PRMT8: variants seen among roughly 807,000 people sequenced by gnomAD.
PRMT8 encodes the protein protein arginine methyltransferase 8.
In PRMT8, 7 loss-of-function variants were observed where a neutral mutation model predicts 47.1. The observed-to-expected ratio is 0.15, with a 90% confidence interval of 0.08 to 0.28. The LOEUF (loss-of-function observed/expected upper bound fraction) is 0.28. PRMT8 is among the 10% of genes least tolerant of loss of function. PRMT8 has a pLI of 1.00. For synonymous variants in PRMT8, 188 were observed against 186.5 expected (o/e 1.01, Z -0.07); for missense variants, 237 against 505.4 (o/e 0.47, Z 5.09).
chr12:3,498,915 T>C (rs989423710), intron 1 of PRMT8, among the ~76,000 whole-genome samples: 18 of 152,170 alleles, frequency 1.2e-4, no homozygotes, highest in Admixed American at 6.5e-4. Context: ...TTGGTTCCTC[T>C]TGAAGTCTTC....
chr12:3,388,772 T>A (rs1864164678), intron 1 of PRMT8, among the ~76,000 whole-genome samples: 1 of 152,234 alleles, frequency 6.6e-6, no homozygotes, highest in African/African-American at 2.4e-5. Flanking sequence ...GTAGACTTTC[T>A]TATCTCGCTT....
chr12:3,382,420 A>G (rs895357440), intron 1 of PRMT8, among the ~76,000 whole-genome samples: 1 of 152,168 alleles, frequency 6.6e-6, no homozygotes, highest in Non-Finnish European at 1.5e-5. Flanking sequence ...TATTTTAGCC[A>G]TTCTGTTAAG....
In PRMT8 at chr12:3,569,190, T is replaced by C. The variant is rs1565445039; in HGVS notation, c.625-287T>C. 6.6e-6 allele frequency among the ~76,000 whole-genome samples: 1 copy of C among 152,226 alleles called. No individual in the cohort carries two copies. The highest frequency in any genetic ancestry group is 2.4e-5 in the African/African-American group (1 of 41,456). The stretch of plus-strand genomic sequence containing the variant: ...AGCCAGGTGTGCTATTCATCTGGGC[T>C]TCTCCAGGCCAAAGTCGTAACATCT... On this transcript the variant is annotated intron_variant, in intron 5 of 9. Coordinates refer to ENST00000382622, the MANE Select transcript of PRMT8 (RefSeq NM_019854.5). This position sits in a 1 kb window ranked among gnomAD's most constrained non-coding sequence, Gnocchi z 8.2.
chr12:3,512,498 G>A (rs1287396815), intron 1 of PRMT8, among the ~76,000 whole-genome samples: 1 of 152,026 alleles, frequency 6.6e-6, no homozygotes, highest in Non-Finnish European at 1.5e-5. Flanking sequence ...CTGTCTCATG[G>A]AGGGCACTGC....
At chr12:3,556,758 A>T (rs995879788) in intron 4 of PRMT8, among the ~76,000 whole-genome samples, 31 of 152,220 alleles carry the variant, frequency 2.0e-4, no homozygotes, top group Admixed American at 8.5e-4. Flanking sequence ...TGCAGGAAAA[A>T]GTAAATTCAG....
chr12:3,485,487 T>G (rs920580150), intron 1 of PRMT8, among the ~76,000 whole-genome samples: 1 of 152,234 alleles, frequency 6.6e-6, no homozygotes, highest in African/African-American at 2.4e-5. Flanking sequence ...AAAGCTTCTG[T>G]TCATAAGGGT....
intron 1 of PRMT8, among the ~76,000 whole-genome samples, chr12:3,382,835 T>C (rs1283705774): frequency 6.6e-6 from 1 of 152,228 alleles, no homozygotes; most frequent in African/African-American, 2.4e-5. Context: ...TTTCTAAAAG[T>C]GTTATAGTTG....
At chr12:3,495,302 A>G (rs1424155190) in intron 1 of PRMT8, among the ~76,000 whole-genome samples, 1 of 152,238 alleles carries the variant, frequency 6.6e-6, no homozygotes, top group African/African-American at 2.4e-5. Flanking sequence ...CCTATTGCCT[A>G]CAGGACGCTA....
At chr12:3,479,649 C>T (rs1865253089) in intron 1 of PRMT8, among the ~76,000 whole-genome samples, 1 of 152,138 alleles carries the variant, frequency 6.6e-6, no homozygotes, top group Non-Finnish European at 1.5e-5. Flanking sequence ...TTGCTGTGGA[C>T]CAAGAAGGGT....
chr12:3,448,700 C>T lies in PRMT8; in HGVS notation c.48+67258C>T, dbSNP rs139201941. Among the ~76,000 whole-genome samples, 38 of 152,220 alleles carry T rather than the reference C, an allele frequency of 2.5e-4. No homozygotes were observed. The East Asian group carries it at 5.6e-3, about 22-fold the overall frequency. ...AAACATCACCCTAAATGAAAACCACCGTTTTTTTATTTTGCAAATCTTTTT... is the reference window on the plus strand; with the variant it reads ...AAACATCACCCTAAATGAAAACCACTGTTTTTTTATTTTGCAAATCTTTTT... On this transcript the variant is annotated intron_variant, in intron 1 of 9. Coordinates refer to the PRMT8 transcript ENST00000452611.
At chr12:3,403,309 C>T (rs1016591143) in intron 1 of PRMT8, among the ~76,000 whole-genome samples, 1 of 151,856 alleles carries the variant, frequency 6.6e-6, no homozygotes, top group Admixed American at 6.6e-5. Flanking sequence ...CACACTGAGG[C>T]CTATGGGAGG....
chr12:3,394,499 A>G (rs1864228557), intron 1 of PRMT8, among the ~76,000 whole-genome samples: 2 of 151,462 alleles, frequency 1.3e-5, no homozygotes, highest in African/African-American at 2.4e-5. Flanking sequence ...TTCTGTTTAT[A>G]TGCTGGATTA....
chr12:3,463,189 C>T (rs1865057932), intron 1 of PRMT8: 1 of 152,122 alleles, frequency 6.6e-6, no homozygotes, highest in Admixed American at 6.5e-5. Flanking sequence ...GTAATTTGCC[C>T]GAGTCTCACA....
chr12:3,437,878 G>T (rs773567799), intron 1 of PRMT8, among the ~76,000 whole-genome samples: 3 of 152,118 alleles, frequency 2.0e-5, no homozygotes, highest in Non-Finnish European at 4.4e-5. Context: ...TGCTTCTAAC[G>T]CAGGGCCTGA....
chr12:3,540,618 C>CCCACA lies in PRMT8; in HGVS notation c.90_91insACACC (p.Ser31ThrfsTer37). 1.8e-6 allele frequency: 2 copies of CCCACA among 1,134,800 alleles called. No individual in the cohort carries two copies. Among genetic ancestry groups the CCCACA allele is most frequent in the Non-Finnish European group, 2.7e-6 (2 of 754,518 alleles). The allele number at this position is 1,134,800 out of a possible 1,614,324, so 70.3% of individuals were successfully genotyped here. ...CTCTTCCCCTCAGGTGAACAGCCCC[C>CCCACA]CCTCCCAGCCCCCCCAGCCCGTCGT... On this transcript the variant is annotated frameshift_variant, in exon 2 of 10. Coordinates refer to ENST00000382622, the MANE Select transcript of PRMT8 (RefSeq NM_019854.5). LOFTEE classifies it high-confidence loss of function.
intron 4 of PRMT8, among the ~76,000 whole-genome samples, chr12:3,554,865 C>T (rs1289410340): frequency 6.6e-6 from 1 of 152,146 alleles, no homozygotes; most frequent in Non-Finnish European, 1.5e-5. Flanking sequence ...CCCTGCTGAC[C>T]TGCCAGAATT....
chr12:3,568,925 G>A, intron 5 of PRMT8, 77 bp downstream of exon 5: 2 of 1,577,554 alleles, frequency 1.3e-6, no homozygotes, highest in Non-Finnish European at 1.7e-6. Flanking sequence ...CAGCCTAGGA[G>A]GCATACGAAG....
intron 1 of PRMT8, among the ~76,000 whole-genome samples, chr12:3,406,899 G>A (rs538505703): frequency 1.2e-4 from 18 of 152,052 alleles, no homozygotes; most frequent in Non-Finnish European, 1.8e-4. Context: ...TCACTTCTTC[G>A]TTTTTGGGTA....
Position 3,397,887 on chromosome 12 carries a change from A to T in PRMT8, c.48+16445A>T, listed in dbSNP as rs562476962. Among the ~76,000 whole-genome samples the T allele has an allele frequency of 1.2e-3, 189 of 152,342 alleles. 1 individual carries two copies. Among genetic ancestry groups the T allele is most frequent in the African/African-American group, 4.2e-3 (175 of 41,588 alleles). On this transcript the variant is annotated intron_variant, in intron 1 of 9. Coordinates refer to the PRMT8 transcript ENST00000452611. ...GACTCCATGGGCGTAGGACCCTCCGAGCCAGGTGTGGGATGTAATCTCCTG... is the reference window on the plus strand; with the variant it reads ...GACTCCATGGGCGTAGGACCCTCCGTGCCAGGTGTGGGATGTAATCTCCTG...
Sources: gnomAD v4.1 joint callset for allele counts (sites outside exome capture counted in the v4.1 genomes callset) on GRCh38, gnomAD v4.1.1 for gene constraint, Gnocchi (gnomAD v3.1) non-coding constraint, MANE v1.5 for transcripts, NCBI Gene and HGNC (gene_info 2026-07-23, HGNC 2026-07-21) for gene names.